Variants in KDM4C observed in about 807,000 individuals in gnomAD.
The protein encoded by KDM4C is lysine-specific demethylase 4C.
KDM4C carries 81 observed loss-of-function variants against 129.3 expected under a neutral mutation model. The observed-to-expected ratio is 0.63, with a 90% confidence interval of 0.52 to 0.75. The LOEUF (loss-of-function observed/expected upper bound fraction) is 0.75, where lower values mean the gene tolerates loss of function less well. Among genes scored for constraint, KDM4C ranks in the 30% least tolerant of loss-of-function variants. The pLI, the probability that KDM4C is intolerant of heterozygous loss-of-function variation, is 0.00. For synonymous variants in KDM4C, 573 were observed against 456.1 expected (o/e 1.26, Z -3.26); for missense variants, 1,457 against 1,304.0 (o/e 1.12, Z -1.81).
chr9:6,740,072 T>C (rs2990661), intron 1 of KDM4C, among the ~76,000 whole-genome samples: 1 of 151,672 alleles, frequency 6.6e-6, no homozygotes. Flanking sequence ...GTATTTTTAG[T>C]AGAGACGGGA....
chr9:6,746,587 A>C (rs1209909198), intron 1 of KDM4C, among the ~76,000 whole-genome samples: 1 of 151,638 alleles, frequency 6.6e-6, no homozygotes, highest in East Asian at 2.0e-4. Context: ...ATTTTAAAAC[A>C]GAAAAGTTTA....
At chr9:6,738,249 G>C (rs1179519180) in intron 1 of KDM4C, among the ~76,000 whole-genome samples, 1 of 152,108 alleles carries the variant, frequency 6.6e-6, no homozygotes, top group East Asian at 1.9e-4. Context: ...GGCCGAGGCA[G>C]ATGGATCAGC....
In KDM4C at chr9:7,026,637, T is replaced by A. The variant is rs553018099; in HGVS notation, c.2259+10708T>A. On this transcript the variant is annotated intron_variant, in intron 15 of 21. Transcript: ENST00000381309. ...TTGACATTAATATCATTCCCTAGGT[T>A]TGGGAAATTCTCTATTATTCTTCCT... is the stretch of plus-strand genomic sequence containing the variant. Among the ~76,000 whole-genome samples, 125 of 152,264 alleles carry A rather than the reference T, an allele frequency of 8.2e-4. 5 individuals carry two copies. In the South Asian group the frequency reaches 0.024, roughly 30 times the overall value.
At chr9:6,961,670 A>G (rs1394489858) in intron 8 of KDM4C, among the ~76,000 whole-genome samples, 1 of 152,248 alleles carries the variant, frequency 6.6e-6, no homozygotes, top group African/African-American at 2.4e-5. Context: ...TCAAAATTCA[A>G]ATAGGTGAGT....
At chr9:6,954,187 A>G (rs774700244) in intron 8 of KDM4C, among the ~76,000 whole-genome samples, 26 of 152,196 alleles carry the variant, frequency 1.7e-4, no homozygotes, top group Non-Finnish European at 3.4e-4. Flanking sequence ...CTGATCCTAT[A>G]TATCTTTCAG....
chr9:6,912,576 C>T (rs1563801702), intron 8 of KDM4C, among the ~76,000 whole-genome samples: 1 of 152,100 alleles, frequency 6.6e-6, no homozygotes, highest in Non-Finnish European at 1.5e-5. Flanking sequence ...AAAGAAAACC[C>T]ATGTACAAAT....
intron 19 of KDM4C, among the ~76,000 whole-genome samples, chr9:7,150,523 G>A (rs1402529830): frequency 1.3e-5 from 2 of 152,186 alleles, no homozygotes; most frequent in Non-Finnish European, 2.9e-5. Context: ...ATGTCTCCGA[G>A]AGGGCTGGGT....
At chr9:7,019,701 ATTT>A (rs1187603272) in intron 15 of KDM4C, among the ~76,000 whole-genome samples, 1 of 104,200 alleles carries the variant, frequency 9.6e-6, no homozygotes, top group African/African-American at 4.8e-5. Context: ...AAAATATAAT[ATTT>A]TTATATATAA....
intron 10 of KDM4C, among the ~76,000 whole-genome samples, chr9:6,985,622 A>G (rs1391418093): frequency 6.6e-6 from 1 of 152,226 alleles, no homozygotes; most frequent in Non-Finnish European, 1.5e-5. Flanking sequence ...AGGGAAGGGA[A>G]TTACAACAAA....
intron 12 of KDM4C, among the ~76,000 whole-genome samples, chr9:7,008,677 C>T (rs557544399): frequency 2.2e-3 from 332 of 152,308 alleles, no homozygotes; most frequent in Non-Finnish European, 3.8e-3. Context: ...CCAAGCTGGC[C>T]CCCGTGAACC....
rs187091928 is a variant in KDM4C at position 6,851,427 on chromosome 9, C to T, written c.629+1727C>T. 1.4e-3 allele frequency among the ~76,000 whole-genome samples: 218 copies of T among 152,296 alleles called. 1 individual carries two copies. Among genetic ancestry groups the T allele is most frequent in the Middle Eastern group, 6.8e-3 (2 of 294 alleles). On this transcript the variant is annotated intron_variant, in intron 5 of 21. Transcript: ENST00000381309. ...TTGGAGAGACTAGGAGAAATATTTT[C>T]AACAATGGTTAGGCTCCTGGACAGT...
chr9:6,910,110 C>T (rs994435401), intron 8 of KDM4C, among the ~76,000 whole-genome samples: 6 of 151,780 alleles, frequency 4.0e-5, no homozygotes, highest in African/African-American at 1.2e-4. Flanking sequence ...AAAATAAAAC[C>T]ATGTTTTAAG....
chr9:6,990,539 C>T lies in KDM4C; in HGVS notation c.1786+15C>T. 2 of 1,464,142 alleles carry T rather than the reference C, an allele frequency of 1.4e-6. No individual in the cohort carries two copies. The highest frequency in any genetic ancestry group is 1.8e-6 in the Non-Finnish European group (2 of 1,100,246). The allele number at this position is 1,464,142 out of a possible 1,614,324, so 90.7% of individuals were successfully genotyped here. A position where few individuals can be genotyped will look rare whatever the true frequency, so the allele number is the denominator to read the frequency against. On this transcript the variant is annotated intron_variant, in intron 12 of 21. Coordinates refer to ENST00000381309, the MANE Select transcript of KDM4C (RefSeq NM_015061.6). ...AAGTGATGAAGGTGAGATGGTGACCCTTTTTGGGATTTTTTTTTTTTTTTT... is the reference window on the plus strand; with the variant it reads ...AAGTGATGAAGGTGAGATGGTGACCTTTTTTGGGATTTTTTTTTTTTTTTT...
intron 4 of KDM4C, chr9:6,815,010 T>C (rs1308567088): frequency 3.6e-6 from 1 of 275,090 alleles, no homozygotes; most frequent in Non-Finnish European, 6.7e-6. Context: ...TTAAAACTTT[T>C]TAAAGCAAAA....
intron 8 of KDM4C, among the ~76,000 whole-genome samples, chr9:6,951,193 C>T (rs1828079819): frequency 6.6e-6 from 1 of 152,116 alleles, no homozygotes; most frequent in Non-Finnish European, 1.5e-5. Context: ...TCAATGTCTT[C>T]TTTCTTAGCT....
At chr9:7,152,565 T>G (rs2130151279) in intron 19 of KDM4C, among the ~76,000 whole-genome samples, 1 of 152,302 alleles carries the variant, frequency 6.6e-6, no homozygotes, top group Middle Eastern at 3.4e-3. Flanking sequence ...GAGGAGTTAG[T>G]GTTTAATGAG....
intron 8 of KDM4C, chr9:6,924,812 A>C: frequency 1.0e-6 from 1 of 980,446 alleles, no homozygotes; most frequent in African/African-American, 1.7e-5. Flanking sequence ...TGGTTTCTGC[A>C]TTCCACTTTG....
chr9:7,137,643 C>A (rs905308161), intron 19 of KDM4C, among the ~76,000 whole-genome samples: 3 of 152,200 alleles, frequency 2.0e-5, no homozygotes, highest in Non-Finnish European at 2.9e-5. Context: ...TTTCCTGTAG[C>A]GCATTTGTAA....
intron 17 of KDM4C, among the ~76,000 whole-genome samples, chr9:7,096,324 T>G (rs1462006968): frequency 6.6e-6 from 1 of 152,224 alleles, no homozygotes; most frequent in Non-Finnish European, 1.5e-5. Flanking sequence ...TGCTTTTATG[T>G]GTGCGTTTTC....
Sources: gnomAD v4.1 joint callset for allele counts (sites outside exome capture counted in the v4.1 genomes callset) on GRCh38, gnomAD v4.1.1 for gene constraint, MANE v1.5 for transcripts, NCBI Gene and HGNC (gene_info 2026-07-23, HGNC 2026-07-21) for gene names.